The following ITPR3 variants were observed in gnomAD, a reference collection of about 807,000 sequenced individuals.
ITPR3 encodes the protein inositol 1,4,5-trisphosphate receptor type 3.
A neutral mutation model predicts 293.2 loss-of-function variants in ITPR3; 173 were observed. The ratio of observed to expected loss-of-function variants is 0.59; its 90% CI spans 0.52 to 0.67. ITPR3 has a LOEUF of 0.67. ITPR3 is among the 30% of genes least tolerant of loss of function. The probability of loss-of-function intolerance (pLI) is 0.00; values close to 1 mark genes in which losing one functional copy is unlikely to be tolerated. For synonymous variants in ITPR3, 1,295 were observed against 1,444.4 expected, an observed-to-expected ratio of 0.90 and a Z score of 2.35; for missense variants, 2,796 against 3,592.1, an observed-to-expected ratio of 0.78 and a Z score of 5.66.
intron 25 of ITPR3, among the ~76,000 whole-genome samples, chr6:33,676,454 C>T (rs1764908966): frequency 6.6e-6 from 1 of 152,200 alleles, no homozygotes; most frequent in African/African-American, 2.4e-5. Context: ...ATGTTTTGCC[C>T]TGCCTGTTTG....
intron 1 of ITPR3, among the ~76,000 whole-genome samples, chr6:33,628,190 G>T (rs1763592711): frequency 6.6e-6 from 1 of 152,174 alleles, no homozygotes; most frequent in African/African-American, 2.4e-5. Flanking sequence ...CACATGCCTG[G>T]AGTCCCTGCA....
Position 33,678,677 on chromosome 6 carries a change from C to A in ITPR3, c.3810C>A (p.Asn1270Lys), listed in dbSNP as rs774961420. The change falls in exon 30 of 58, where the codon AAC (asparagine) becomes AAA (lysine). Residue 1270 changes from asparagine to lysine, a missense_variant. By Grantham distance (94) the Asn-to-Lys change is moderately conservative (BLOSUM62 0). This residue lies in a region of ITPR3 where 344 missense variants were observed against 460.3 expected (regional missense o/e 0.75). Transcript: ENST00000605930. ...AGACCATGCAGCACATCTTCCTGAA[C>A]AACTATCAGCTCTGCTCCGAGATCA... ...EAETMQHIFL[N>K]NYQLCSEISE... is the part of the protein sequence containing the mutation. 1 of 1,613,080 alleles carries A rather than the reference C, an allele frequency of 6.2e-7. No individual in the cohort carries two copies. Among genetic ancestry groups the A allele is most frequent in the Non-Finnish European group, 8.5e-7 (1 of 1,179,800 alleles).
Position 33,669,285 on chromosome 6 carries a change from A to C in ITPR3, c.2189+129A>C, listed in dbSNP as rs556192141. The C allele has an allele frequency of 4.4e-5, 41 of 931,358 alleles. No homozygotes were observed. The East Asian group carries it at 6.6e-4, about 15-fold the overall frequency. 57.7% of individuals were successfully genotyped at this position (931,358 alleles called of 1,614,324 possible). On this transcript the variant is annotated intron_variant, in intron 18 of 57. Coordinates refer to ENST00000605930, the MANE Select transcript of ITPR3 (RefSeq NM_002224.4). Reference sequence around the variant, plus strand: ...GGGGCTCCTGCCTCCTCAGAAGCGGAGTCCCTGCTGTCACTCCCCTGCCAC... The same window carrying C: ...GGGGCTCCTGCCTCCTCAGAAGCGGCGTCCCTGCTGTCACTCCCCTGCCAC...
At chr6:33,626,243 A>T (rs1425788968) in intron 1 of ITPR3, among the ~76,000 whole-genome samples, 2 of 152,070 alleles carry the variant, frequency 1.3e-5, no homozygotes, top group African/African-American at 4.8e-5. Flanking sequence ...CCGTTGCTGG[A>T]TGCTTTGAAC....
chr6:33,646,425 C>T (rs1394749909), intron 2 of ITPR3, among the ~76,000 whole-genome samples: 1 of 131,130 alleles, frequency 7.6e-6, no homozygotes, highest in Non-Finnish European at 1.5e-5. Flanking sequence ...TTGCTTATGT[C>T]TCTTCCAGTG....
rs1411744130 is a variant in ITPR3 at position 33,621,354 on chromosome 6, C to CGCGGGCCGGGCGGG, written c.-242_-229dup. 4.5e-6 allele frequency: 1 copy of CGCGGGCCGGGCGGG among 221,214 alleles called. No individual in the cohort carries two copies. The highest frequency in any genetic ancestry group is 2.4e-5 in the African/African-American group (1 of 41,992). 13.7% of individuals were successfully genotyped at this position (221,214 alleles called of 1,614,324 possible). On this transcript the variant is annotated 5_prime_UTR_variant, in exon 1 of 58. Coordinates refer to ENST00000605930, the MANE Select transcript of ITPR3 (RefSeq NM_002224.4). The surrounding 1 kb of genome is among the most constrained non-coding windows in gnomAD (Gnocchi z 7.7). ...CTGCTCCTTCTACGCTGCAGGTACG[C>CGCGGGCCGGGCGGG]GCGGGCCGGGCGGGGCGGGCGGGCG... is the stretch of plus-strand genomic sequence containing the variant.
intron 2 of ITPR3, among the ~76,000 whole-genome samples, chr6:33,649,621 A>C (rs939531912): frequency 6.6e-6 from 1 of 152,264 alleles, no homozygotes; most frequent in South Asian, 2.1e-4. Flanking sequence ...GGTTGAGTCT[A>C]AACATTGAAG....
Position 33,684,184 on chromosome 6 carries a change from G to A in ITPR3, c.4937+16G>A, listed in dbSNP as rs1359752915. On this transcript the variant is annotated intron_variant, in intron 36 of 57. Transcript: ENST00000605930. The surrounding 1 kb of genome is among the most constrained non-coding windows in gnomAD (Gnocchi z 4.2). ...TCCTGTCCAAGTGAGCGAGACACTG[G>A]GGCATGGGGGCAGCAGGGGTGCAGC... The A allele has an allele frequency of 1.2e-6, 2 of 1,608,522 alleles. No homozygotes were observed. Among genetic ancestry groups the A allele is most frequent in the Non-Finnish European group, 1.7e-6 (2 of 1,179,174 alleles).
At chr6:33,656,828 C>T (rs958677318) in intron 3 of ITPR3, among the ~76,000 whole-genome samples, 5 of 152,258 alleles carry the variant, frequency 3.3e-5, no homozygotes, top group South Asian at 2.1e-4. Context: ...CTAAGCCCCA[C>T]GCCTAGAGGA....
chr6:33,659,016 C>T lies in ITPR3; in HGVS notation c.529-5C>T. The T allele has an allele frequency of 2.5e-6, 4 of 1,613,568 alleles. No homozygotes were observed. The highest frequency in any genetic ancestry group is 3.4e-6 in the Non-Finnish European group (4 of 1,179,482). On this transcript the variant is annotated splice_polypyrimidine_tract_variant and splice_region_variant and intron_variant, in intron 5 of 57. Coordinates refer to ENST00000605930, the MANE Select transcript of ITPR3 (RefSeq NM_002224.4). ...CCACCTAACCTGTCCCACCTGTCTG[C>T]TCAGGTGGTCGTGGGGGACAAGGTG...
In ITPR3 at chr6:33,680,694, C is replaced by T. The variant is rs375362867; in HGVS notation, c.4476+14C>T. 44 of 1,607,114 alleles carry T rather than the reference C, an allele frequency of 2.7e-5. No homozygotes were observed. The highest frequency in any genetic ancestry group is 3.3e-4 in the Middle Eastern group (2 of 6,050). ...ACTTCCCTGCAGGTGAGCTTCTCCT[C>T]TCCCACCACCCCAGGGCCGACTTGC... On this transcript the variant is annotated intron_variant, in intron 33 of 57. Transcript: ENST00000605930.
rs1181911760 is a variant in ITPR3 at position 33,687,930 on chromosome 6, T to C, written c.6265-127T>C. 2.1e-5 allele frequency: 16 copies of C among 747,326 alleles called. No homozygotes were observed. The Middle Eastern group carries it at 1.1e-3, about 54-fold the overall frequency. The allele number at this position is 747,326 out of a possible 1,614,324, so 46.3% of individuals were successfully genotyped here. ...CCTAGTTGGGCTGGGCTTGGCCTGCTCTGGCTTGGCGGGGACACTCGCTGA... is the reference window on the plus strand; with the variant it reads ...CCTAGTTGGGCTGGGCTTGGCCTGCCCTGGCTTGGCGGGGACACTCGCTGA... On this transcript the variant is annotated intron_variant, in intron 46 of 57. Transcript: ENST00000605930. The surrounding 1 kb of genome is among the most constrained non-coding windows in gnomAD (Gnocchi z 5.3).
In ITPR3 at chr6:33,679,593, G is replaced by A. The variant is rs370722684; in HGVS notation, c.3973-289G>A. 1.7e-3 allele frequency among the ~76,000 whole-genome samples: 260 copies of A among 152,284 alleles called. 3 individuals carry two copies. The highest frequency in any genetic ancestry group is 0.013 in the South Asian group (65 of 4,822). On this transcript the variant is annotated intron_variant, in intron 30 of 57. Transcript: ENST00000605930. This position sits in a 1 kb window ranked among gnomAD's most constrained non-coding sequence, Gnocchi z 4.2. ...AGGGGAGGGAGGGGGTGAGCAAGGC[G>A]GGATTAGCGAGGCTTCCTGGAGGAA... is the stretch of plus-strand genomic sequence containing the variant.
At chr6:33,668,758 C>G (rs1039834160) in intron 17 of ITPR3, 124 bp downstream of exon 17, 77 of 1,467,826 alleles carry the variant, frequency 5.2e-5, no homozygotes, top group Non-Finnish European at 6.9e-5. Context: ...GCTGTGAACT[C>G]TGTGCCTGTT....
In ITPR3 at chr6:33,687,148, G is replaced by A; in HGVS notation, c.6075+44G>A. ...GCAGGCGGGCGGAACCAGGTGGAGT[G>A]TGTTGGGATGGGGATGAGGGCCCGG... is the stretch of plus-strand genomic sequence containing the variant. On this transcript the variant is annotated intron_variant, in intron 44 of 57. Coordinates refer to ENST00000605930, the MANE Select transcript of ITPR3 (RefSeq NM_002224.4). The surrounding 1 kb of genome is among the most constrained non-coding windows in gnomAD (Gnocchi z 5.3). 1.2e-6 allele frequency: 2 copies of A among 1,604,766 alleles called. No homozygotes were observed. Among genetic ancestry groups the A allele is most frequent in the African/African-American group, 1.3e-5 (1 of 74,852 alleles).
rs1485866755 is a variant in ITPR3 at position 33,662,977 on chromosome 6, C to A, written c.925C>A (p.Leu309Met). ...GAATGGCTTGTACCGCTTCAAGCACCTGGCTACAGGCAACTACCTGGCTGC... is the reference window on the plus strand; with the variant it reads ...GAATGGCTTGTACCGCTTCAAGCACATGGCTACAGGCAACTACCTGGCTGC... The part of the protein sequence containing the change: ...HWNGLYRFKH[L>M]ATGNYLAAEE... The change falls in exon 9 of 58, where the codon CTG becomes ATG. Residue 309 changes from leucine to methionine, a missense_variant. Physicochemically the swap from Leu to Met is conservative, Grantham distance 15 (BLOSUM62 2). Transcript: ENST00000605930. 8 of 1,603,464 alleles carry A rather than the reference C, an allele frequency of 5.0e-6. No individual in the cohort carries two copies. The highest frequency in any genetic ancestry group is 6.8e-6 in the Non-Finnish European group (8 of 1,174,722).
Position 33,655,795 on chromosome 6 carries a change from C to G in ITPR3, c.190C>G (p.Arg64Gly). ...DCLFKVCPMNRYSAQKQYWKA... is the reference protein window; with the variant it reads ...DCLFKVCPMNGYSAQKQYWKA... ...CCTCTTCAAGGTGTGCCCCATGAAC[C>G]GCTACTCGGCCCAGAAGCAGTACTG... The change falls in exon 3 of 58, where the codon CGC becomes GGC. Residue 64 changes from arginine to glycine, a missense_variant. Transcript: ENST00000605930. The surrounding 1 kb of genome is among the most constrained non-coding windows in gnomAD (Gnocchi z 4.9). 1 of 1,614,098 alleles carries G rather than the reference C, an allele frequency of 6.2e-7. No homozygotes were observed. Among genetic ancestry groups the G allele is most frequent in the Non-Finnish European group, 8.5e-7 (1 of 1,180,012 alleles).
chr6:33,662,949 C>G lies in ITPR3; in HGVS notation c.897C>G (p.His299Gln), dbSNP rs1764511951. Residue 299 changes from histidine (H) to glutamine (Q), a missense_variant, in exon 9 of 58, where the codon CAC becomes CAG. By Grantham distance (24) the His-to-Gln change is conservative (BLOSUM62 0). Transcript: ENST00000605930. ...HHDPCRGGAG[H>Q]WNGLYRFKHL... ...ACCCCTGCCGTGGAGGAGCTGGGCACTGGAATGGCTTGTACCGCTTCAAGC... is the reference window on the plus strand; with the variant it reads ...ACCCCTGCCGTGGAGGAGCTGGGCAGTGGAATGGCTTGTACCGCTTCAAGC... The G allele has an allele frequency of 1.2e-6, 2 of 1,605,366 alleles. No homozygotes were observed. The highest frequency in any genetic ancestry group is 1.7e-6 in the Non-Finnish European group (2 of 1,175,640).
chr6:33,676,834 C>T lies in ITPR3; in HGVS notation c.3349C>T (p.Leu1117=), dbSNP rs772614324. The T allele has an allele frequency of 6.2e-7, 1 of 1,614,154 alleles. No individual in the cohort carries two copies. The change falls in exon 26 of 58, where the codon CTG becomes TTG. Residue 1117 remains leucine (L), a synonymous_variant. Coordinates refer to ENST00000605930, the MANE Select transcript of ITPR3 (RefSeq NM_002224.4). ...GGTGATCAAGTCGGAGCTGGACCGG[C>T]TGCGGACCATGGTGGAGAAGTCAGA... The part of the protein sequence containing the change: ...YKVIKSELDR[L]RTMVEKSELW...
Sources: allele counts gnomAD v4.1 joint callset (sites outside exome capture counted in the v4.1 genomes callset), GRCh38; gene constraint gnomAD v4.1.1; regional missense constraint gnomAD v4.1.1; non-coding constraint Gnocchi (gnomAD v3.1); transcripts MANE v1.5; gene names NCBI Gene and HGNC (gene_info 2026-07-23, HGNC 2026-07-21).